The following UNC79 variants were observed in gnomAD, a reference collection of about 807,000 sequenced individuals.
The protein encoded by UNC79 is protein unc-79 homolog.
In UNC79, 37 loss-of-function variants were observed where a neutral mutation model predicts 283.1. The ratio of observed to expected loss-of-function variants is 0.13; its 90% CI spans 0.10 to 0.17. UNC79 has a LOEUF of 0.17. Among genes scored for constraint, UNC79 ranks in the 10% least tolerant of loss-of-function variants. The pLI is 1.00. For missense variants in UNC79, 2,272 were observed against 3,211.1 expected (o/e 0.71, Z 7.07); for synonymous variants, 1,107 against 1,200.2 (o/e 0.92, Z 1.61).
At position 93,691,679 on chromosome 14, in the gene UNC79, C is replaced by T. The variant is rs2074711289; in HGVS notation, c.7273-70C>T. The T allele has an allele frequency of 3.9e-6, 6 of 1,555,752 alleles. No individual in the cohort carries two copies. The Admixed American group carries it at 5.0e-5, about 13-fold the overall frequency. On this transcript the variant is annotated intron_variant, in intron 45 of 48. Coordinates refer to ENST00000555664, the Ensembl canonical transcript of UNC79. ...GCTCCCTGGCAAGACCAAAGCCATG[C>T]GGGAGGACTCCGTGGAGGGCCACAG...
At chr14:93,678,098 C>T (rs950737710) in intron 41 of UNC79, among the ~76,000 whole-genome samples, 2 of 152,128 alleles carry the variant, frequency 1.3e-5, no homozygotes, top group Non-Finnish European at 2.9e-5. Flanking sequence ...TCAGAGGAAA[C>T]CTTTCCCCTT....
chr14:93,360,253 G>T (rs536629364), intron 1 of UNC79, among the ~76,000 whole-genome samples: 2 of 152,278 alleles, frequency 1.3e-5, no homozygotes, highest in Admixed American at 6.5e-5. Context: ...CATTAGAGCT[G>T]CCTCTACCTA....
intron 2 of UNC79, among the ~76,000 whole-genome samples, chr14:93,469,415 G>C (rs1344975997): frequency 6.6e-6 from 1 of 152,048 alleles, no homozygotes; most frequent in African/African-American, 2.4e-5. Flanking sequence ...TTTAAAACTA[G>C]AAGTACAGAA....
intron 47 of UNC79, among the ~76,000 whole-genome samples, chr14:93,695,012 G>A (rs2074988598): frequency 6.6e-6 from 1 of 152,030 alleles, no homozygotes; most frequent in Non-Finnish European, 1.5e-5. Flanking sequence ...TCCCCTCCCT[G>A]GATACCCTCC....
Position 93,412,671 on chromosome 14 carries a change from G to A in UNC79, c.-350-55000G>A, listed in dbSNP as rs544850223. Among the ~76,000 whole-genome samples, 15 of 152,142 alleles carry A rather than the reference G, an allele frequency of 9.9e-5. No individual in the cohort carries two copies. The East Asian group carries it at 2.0e-3, about 20-fold the overall frequency. On this transcript the variant is annotated intron_variant, in intron 1 of 49. Transcript: ENST00000256339. The stretch of plus-strand genomic sequence containing the variant: ...TCTTACAACCTTCTTGTACTTGGAT[G>A]TTGATATCTTTCTCTATGTTTGCAA...
chr14:93,663,898 A>G (rs1032025991), intron 40 of UNC79, among the ~76,000 whole-genome samples: 1 of 151,618 alleles, frequency 6.6e-6, no homozygotes, highest in Admixed American at 6.5e-5. Context: ...AAGAATCATA[A>G]TAAGTTTATA....
chr14:93,672,661 A>G (rs1023137516), intron 40 of UNC79, among the ~76,000 whole-genome samples: 11 of 152,208 alleles, frequency 7.2e-5, no homozygotes, highest in African/African-American at 2.7e-4. Context: ...ATAAGTGAGG[A>G]CTTGAAATGT....
At chr14:93,509,800 G>A (rs990183827) in intron 7 of UNC79, among the ~76,000 whole-genome samples, 7 of 152,274 alleles carry the variant, frequency 4.6e-5, no homozygotes, top group Non-Finnish European at 5.9e-5. Flanking sequence ...GCAAGCCATC[G>A]TTGGATCTAC....
intron 30 of UNC79, among the ~76,000 whole-genome samples, chr14:93,625,738 C>T (rs977924400): frequency 1.3e-5 from 2 of 152,182 alleles, no homozygotes; most frequent in Non-Finnish European, 2.9e-5. Context: ...AATGTAATCC[C>T]TCCCTGCCTG....
At chr14:93,366,241 TC>T (rs904702383) in intron 1 of UNC79, among the ~76,000 whole-genome samples, 9 of 152,328 alleles carry the variant, frequency 5.9e-5, no homozygotes, top group Admixed American at 3.9e-4. Flanking sequence ...TTCCTTCCCT[TC>T]CTTGTCTGAG....
rs181405630 is a variant in UNC79, at chr14:93,348,346, G to A, written c.-351+14823G>A. The A allele has an allele frequency of 1.7e-3, 803 of 479,912 alleles. 3 individuals carry two copies. Among genetic ancestry groups the A allele is most frequent in the Non-Finnish European group, 2.2e-3 (596 of 271,132 alleles). The allele number at this position is 479,912 out of a possible 1,614,324, so 29.7% of individuals were successfully genotyped here. The stretch of plus-strand genomic sequence containing the variant: ...TTAAATAAAACGGAAACACTTATTC[G>A]TGCTTGGTAATATGTGTGCAGATTA... On this transcript the variant is annotated intron_variant, in intron 1 of 49. Transcript: ENST00000256339.
intron 27 of UNC79, among the ~76,000 whole-genome samples, chr14:93,616,277 A>G (rs2066718452): frequency 6.6e-6 from 1 of 151,984 alleles, no homozygotes; most frequent in Admixed American, 6.6e-5. Flanking sequence ...CTTTATACAT[A>G]CATTTTGGAA....
intron 1 of UNC79, among the ~76,000 whole-genome samples, chr14:93,363,448 G>A (rs1008811418): frequency 6.6e-6 from 1 of 152,126 alleles, no homozygotes; most frequent in African/African-American, 2.4e-5. Flanking sequence ...GTTGTTGTTG[G>A]GTGGAGTGTT....
At chr14:93,614,826 A>C (rs1158918708) in intron 27 of UNC79, among the ~76,000 whole-genome samples, 1 of 151,930 alleles carries the variant, frequency 6.6e-6, no homozygotes, top group Non-Finnish European at 1.5e-5. Flanking sequence ...CTAGTTATGG[A>C]CTCATATTGC....
At chr14:93,443,165 A>C (rs939125470) in intron 1 of UNC79, among the ~76,000 whole-genome samples, 32 of 152,074 alleles carry the variant, frequency 2.1e-4, no homozygotes, top group African/African-American at 7.7e-4. Context: ...CCGAGGTTGC[A>C]GGAAGCTGAG....
chr14:93,547,976 G>T (rs1056170566), intron 14 of UNC79, among the ~76,000 whole-genome samples: 2 of 152,084 alleles, frequency 1.3e-5, no homozygotes, highest in African/African-American at 4.8e-5. Flanking sequence ...GACAGAGTGA[G>T]ACCCTGTCTC....
chr14:93,507,006 C>T (rs1326007425), intron 7 of UNC79, among the ~76,000 whole-genome samples: 1 of 152,140 alleles, frequency 6.6e-6, no homozygotes, highest in Non-Finnish European at 1.5e-5. Context: ...GGAGATCAAA[C>T]ATGATACATT....
At chr14:93,630,904 A>G in exon 31 of UNC79, 1 of 1,612,750 alleles carries the variant, frequency 6.2e-7, no homozygotes, top group Non-Finnish European at 8.5e-7. Flanking sequence ...ATTCCTCAAT[A>G]TCAAGTAAGA....
At position 93,478,487 on chromosome 14, in the gene UNC79, C is replaced by T. The variant is rs147795599; in HGVS notation, c.619+759C>T. On this transcript the variant is annotated intron_variant, in intron 4 of 48. Transcript: ENST00000555664. ...TTAATCTATGTTTCAGTGGGAAATCCGAAAAGATTGTGGATTTAGGAGTCA... is the reference window on the plus strand; with the variant it reads ...TTAATCTATGTTTCAGTGGGAAATCTGAAAAGATTGTGGATTTAGGAGTCA... Among the ~76,000 whole-genome samples the T allele has an allele frequency of 9.9e-5, 15 of 152,108 alleles. No individual in the cohort carries two copies. In the East Asian group the frequency reaches 1.4e-3, roughly 14 times the overall value.
Sources: allele counts gnomAD v4.1 joint callset (sites outside exome capture counted in the v4.1 genomes callset), GRCh38; gene constraint gnomAD v4.1.1; transcripts MANE v1.5; gene names NCBI Gene and HGNC (gene_info 2026-07-23, HGNC 2026-07-21).